Variants in RNF111 observed in about 807,000 individuals in gnomAD.
RNF111 encodes E3 ubiquitin-protein ligase Arkadia.
In RNF111, 17 loss-of-function variants were observed where a neutral mutation model predicts 95.1. The observed-to-expected ratio is 0.18, with a 90% CI of 0.12 to 0.27. The LOEUF (loss-of-function observed/expected upper bound fraction) is 0.27, where lower values mean the gene tolerates loss of function less well. RNF111 is among the 10% of genes least tolerant of loss of function. The pLI is 1.00. For synonymous variants in RNF111, 440 were observed against 414.8 expected (o/e 1.06, Z -0.74); for missense variants, 1,189 against 1,210.4 (o/e 0.98, Z 0.26).
chr15:59,008,279 A>G lies in RNF111; in HGVS notation c.-20+20211A>G, dbSNP rs557311305. On this transcript the variant is annotated intron_variant, in intron 1 of 13. Transcript: ENST00000348370. ...GTTGCCCAGGCTGCAGTGCAGTGGCACAGTCGTGGATCACTGCAGCCTCAT... is the reference window on the plus strand; with the variant it reads ...GTTGCCCAGGCTGCAGTGCAGTGGCGCAGTCGTGGATCACTGCAGCCTCAT... Among the ~76,000 whole-genome samples, 9 of 152,210 alleles carry G rather than the reference A, an allele frequency of 5.9e-5. No homozygotes were observed. In the South Asian group the frequency reaches 1.7e-3, roughly 28 times the overall value.
chr15:59,085,873 AG>A, intron 10 of RNF111, 88 bp downstream of exon 10: 2 of 1,092,088 alleles, frequency 1.8e-6, no homozygotes, highest in Non-Finnish European at 2.6e-6. Context: ...ATATTAATAT[AG>A]ATGTTTTAAT....
At chr15:58,990,652 T>C (rs1303955329) in intron 1 of RNF111, among the ~76,000 whole-genome samples, 1 of 152,204 alleles carries the variant, frequency 6.6e-6, no homozygotes, top group African/African-American at 2.4e-5. Context: ...AGACTGTTTC[T>C]CAAAACAAAC....
intron 6 of RNF111, among the ~76,000 whole-genome samples, chr15:59,070,272 A>G (rs1324056464): frequency 6.6e-6 from 1 of 152,028 alleles, no homozygotes; most frequent in African/African-American, 2.4e-5. Flanking sequence ...TCCTTCGGGA[A>G]TAAGAATTGA....
At chr15:59,091,444 T>G (rs1269798976) in intron 12 of RNF111, among the ~76,000 whole-genome samples, 25 of 152,182 alleles carry the variant, frequency 1.6e-4, no homozygotes, top group African/African-American at 4.6e-4. Flanking sequence ...TTTGTCTACT[T>G]TAAAAAAAAC....
chr15:59,028,104 C>T (rs1252224952), intron 1 of RNF111, among the ~76,000 whole-genome samples: 3 of 151,618 alleles, frequency 2.0e-5, no homozygotes, highest in African/African-American at 4.9e-5. Flanking sequence ...AGGGTTTGGC[C>T]ACCGCGCCTG....
chr15:59,074,208 C>A (rs1262825181), intron 6 of RNF111, among the ~76,000 whole-genome samples: 1 of 152,176 alleles, frequency 6.6e-6, no homozygotes, highest in Non-Finnish European at 1.5e-5. Context: ...CCTGGGAATT[C>A]TGGAATTGCA....
intron 1 of RNF111, among the ~76,000 whole-genome samples, chr15:58,994,687 A>G (rs1596018499): frequency 6.6e-6 from 1 of 152,000 alleles, no homozygotes; most frequent in South Asian, 2.1e-4. Flanking sequence ...CCTCTTGGCC[A>G]GGCTGGTCTC....
At chr15:59,058,820 G>A in intron 5 of RNF111, 1 of 380,180 alleles carries the variant, frequency 2.6e-6, no homozygotes, top group Non-Finnish European at 4.9e-6. Flanking sequence ...AGCAACAAAA[G>A]CAAAAGTAGA....
intron 2 of RNF111, among the ~76,000 whole-genome samples, chr15:59,033,808 T>A (rs1393556696): frequency 6.6e-6 from 1 of 152,172 alleles, no homozygotes; most frequent in African/African-American, 2.4e-5. Context: ...CTTGGCAGAA[T>A]TACGTTATTT....
chr15:59,084,290 C>T, intron 9 of RNF111, 36 bp downstream of exon 9: 1 of 1,519,628 alleles, frequency 6.6e-7, no homozygotes, highest in Non-Finnish European at 8.9e-7. Context: ...CAGTGCTTCA[C>T]AGCTTGTGGT....
chr15:59,076,780 C>G (rs1384556921), intron 7 of RNF111, among the ~76,000 whole-genome samples: 1 of 152,138 alleles, frequency 6.6e-6, no homozygotes, highest in Non-Finnish European at 1.5e-5. Context: ...TACTCTAAGG[C>G]TATGTAACAT....
chr15:59,052,349 C>T lies in RNF111; in HGVS notation c.925C>T (p.Pro309Ser). ...TGTGGTGATAGAAGCTTCCTCCACTCCCCAGGTTACTGCCAATGAAGAAAT... is the reference window on the plus strand; with the variant it reads ...TGTGGTGATAGAAGCTTCCTCCACTTCCCAGGTTACTGCCAATGAAGAAAT... ...DVVVIEASST[P>S]QVTANEEINV... is the part of the protein sequence containing the mutation. The change falls in exon 3 of 14, where the codon CCC becomes TCC. Residue 309 changes from proline to serine, a missense_variant. Coordinates refer to ENST00000348370, the MANE Select transcript of RNF111 (RefSeq NM_017610.8). 6.2e-7 allele frequency: 1 copy of T among 1,606,154 alleles called. No individual in the cohort carries two copies. The highest frequency in any genetic ancestry group is 8.5e-7 in the Non-Finnish European group (1 of 1,176,682).
chr15:59,059,067 C>T (rs1427123226), intron 5 of RNF111, among the ~76,000 whole-genome samples: 2 of 152,014 alleles, frequency 1.3e-5, no homozygotes, highest in African/African-American at 4.8e-5. Flanking sequence ...CACTTGAGAC[C>T]AGGAGTTCAA....
Position 59,094,858 on chromosome 15 carries a change from A to G in RNF111, c.2919A>G (p.Ile973Met), listed in dbSNP as rs748578994. 3 of 1,612,810 alleles carry G rather than the reference A, an allele frequency of 1.9e-6. No individual in the cohort carries two copies. The highest frequency in any genetic ancestry group is 1.7e-6 in the Non-Finnish European group (2 of 1,179,050). The change falls in exon 14 of 14, where the codon ATA becomes ATG. Residue 973 changes from isoleucine to methionine, a missense_variant. Ile to Met is a conservative substitution (Grantham distance 10). Around this residue, in one of 2 missense-constraint regions of RNF111, gnomAD observed 165 missense variants for 284.6 expected, o/e 0.58. Coordinates refer to ENST00000348370, the MANE Select transcript of RNF111 (RefSeq NM_017610.8). ...TGATTACCAATAAGAAGTGCCCCAT[A>G]TGCAGAGTGGACATTGAGGCCCAGC... The part of the protein sequence containing the change: ...QWLITNKKCP[I>M]CRVDIEAQLP...
chr15:59,059,068 A>G (rs568642571), intron 5 of RNF111, among the ~76,000 whole-genome samples: 2 of 152,300 alleles, frequency 1.3e-5, no homozygotes, highest in Non-Finnish European at 2.9e-5. Context: ...ACTTGAGACC[A>G]GGAGTTCAAG....
intron 1 of RNF111, among the ~76,000 whole-genome samples, chr15:58,991,112 T>C (rs1305126319): frequency 6.6e-6 from 1 of 151,568 alleles, no homozygotes; most frequent in African/African-American, 2.4e-5. Flanking sequence ...GCCAACATGG[T>C]GAAACCCCGT....
At chr15:59,066,649 G>T in intron 5 of RNF111, 115 bp from the exon 6 acceptor site, 1 of 846,406 alleles carries the variant, frequency 1.2e-6, no homozygotes, top group Admixed American at 2.8e-5. Context: ...TATTTACAGA[G>T]ATTTGAAATT....
rs186793201 is a variant in RNF111 at position 59,066,895 on chromosome 15, C to T, written c.1498C>T (p.Pro500Ser). 1.2e-6 allele frequency: 2 copies of T among 1,614,076 alleles called. No individual in the cohort carries two copies. The highest frequency in any genetic ancestry group is 2.2e-5 in the East Asian group (1 of 44,866). The change falls in exon 6 of 14, where the codon CCT becomes TCT. Residue 500 changes from proline to serine, a missense_variant. Around this residue, in one of 2 missense-constraint regions of RNF111, gnomAD observed 1,024 missense variants for 925.9 expected, o/e 1.11. Coordinates refer to ENST00000348370, the MANE Select transcript of RNF111 (RefSeq NM_017610.8). ...SSQNHHALGH[P>S]HTSCFQQHGH... is the part of the protein sequence containing the mutation. ...ACAGAACCACCATGCATTAGGACAT[C>T]CTCATACAAGTTGCTTTCAGCAGCA...
In RNF111 at chr15:59,094,941, C is replaced by T. The variant is rs780195312; in HGVS notation, c.*41C>T. 9.4e-6 allele frequency: 11 copies of T among 1,175,804 alleles called. No individual in the cohort carries two copies. In the South Asian group the frequency reaches 1.3e-4, roughly 14 times the overall value. 72.8% of individuals were successfully genotyped at this position (1,175,804 alleles called of 1,614,324 possible). A position where few individuals can be genotyped will look rare whatever the true frequency, so the allele number is the denominator to read the frequency against. ...CTCTTGCCCTCCCTCTCATTCCCAT[C>T]CTTCCTGGTACTGCAGTCAACCAAA... On this transcript the variant is annotated 3_prime_UTR_variant, in exon 14 of 14. Transcript: ENST00000348370.
Sources: gnomAD v4.1 joint callset for allele counts (sites outside exome capture counted in the v4.1 genomes callset) on GRCh38, gnomAD v4.1.1 for gene constraint, gnomAD v4.1.1 regional missense constraint, MANE v1.5 for transcripts, NCBI Gene and HGNC (gene_info 2026-07-23, HGNC 2026-07-21) for gene names.